Variants in COQ6 observed in about 807,000 individuals in gnomAD.
The protein encoded by COQ6 is coenzyme Q6, monooxygenase.
COQ6 carries 45 observed loss-of-function variants against 55.5 expected under a neutral mutation model. The observed-to-expected ratio is 0.81, with a 90% confidence interval of 0.64 to 1.04. COQ6 has a LOEUF of 1.04. Among genes scored for constraint, COQ6 ranks in the 50% least tolerant of loss-of-function variants. The pLI is 0.00. For synonymous variants in COQ6, 206 were observed against 230.5 expected, an observed-to-expected ratio of 0.89 and a Z score of 0.96; for missense variants, 550 against 601.3, an observed-to-expected ratio of 0.91 and a Z score of 0.89.
At chr14:73,957,234 A>G (rs2056481214) in intron 4 of COQ6, among the ~76,000 whole-genome samples, 1 of 151,876 alleles carries the variant, frequency 6.6e-6, no homozygotes, top group South Asian at 2.1e-4. Context: ...AGTAGCTGGG[A>G]CTATAGGCGC....
intron 8 of COQ6, chr14:73,959,733 C>T: frequency 8.7e-7 from 1 of 1,151,208 alleles, no homozygotes; most frequent in South Asian, 1.6e-5. Context: ...CCATGCCCAG[C>T]TAATTTTTCT....
rs73301429 is a variant in COQ6 at position 73,963,436 on chromosome 14, G to A, written c.*437G>A. ...GCTGTTTAAATGTTAACATCAGAAT[G>A]CAAATTAAATATAAATTGCTTTAAC... On this transcript the variant is annotated 3_prime_UTR_variant, in exon 12 of 12. Transcript: ENST00000334571. The A allele has an allele frequency of 2.8e-3, 631 of 227,698 alleles. 1 individual carries two copies. The highest frequency in any genetic ancestry group is 0.013 in the African/African-American group (570 of 43,580). 14.1% of individuals were successfully genotyped at this position (227,698 alleles called of 1,614,324 possible). A position where few individuals can be genotyped will look rare whatever the true frequency, so the allele number is the denominator to read the frequency against.
intron 1 of COQ6, among the ~76,000 whole-genome samples, chr14:73,952,588 G>T (rs748751984): frequency 6.6e-6 from 1 of 152,054 alleles, no homozygotes; most frequent in African/African-American, 2.4e-5. Flanking sequence ...GCCCAGGCTG[G>T]TCTTGAATTC....
chr14:73,955,354 A>G (rs1436850126), intron 2 of COQ6, 97 bp from the exon 3 acceptor site: 2 of 874,768 alleles, frequency 2.3e-6, no homozygotes, highest in Non-Finnish European at 4.0e-6. Context: ...TTATTGAAGA[A>G]CACTGAAAAC....
intron 11 of COQ6, among the ~76,000 whole-genome samples, chr14:73,962,287 AATT>A (rs1487704126): frequency 5.3e-5 from 8 of 152,122 alleles, no homozygotes; most frequent in South Asian, 4.2e-4. Context: ...TTGGCTGTAA[AATT>A]ATTATCTTTA....
chr14:73,957,816 C>T (rs571031640), intron 4 of COQ6, among the ~76,000 whole-genome samples: 46 of 152,266 alleles, frequency 3.0e-4, no homozygotes, highest in South Asian at 1.5e-3. Flanking sequence ...TTGTTTCAGC[C>T]TATGGTATTC....
At chr14:73,951,808 A>T (rs1172652703) in intron 1 of COQ6, among the ~76,000 whole-genome samples, 1 of 151,556 alleles carries the variant, frequency 6.6e-6, no homozygotes, top group African/African-American at 2.4e-5. Flanking sequence ...CTCACAAGAT[A>T]CACAAAATTT....
chr14:73,950,160 CAT>C, upstream of COQ6: 2 of 1,586,752 alleles, frequency 1.3e-6, no homozygotes, highest in South Asian at 2.2e-5. Flanking sequence ...GCCTCCGATC[CAT>C]CCCGCCCGAG....
At position 73,953,493 on chromosome 14, in the gene COQ6, A is replaced by G; in HGVS notation, c.222A>G (p.Lys74=). Residue 74 remains lysine, a synonymous_variant, in exon 2 of 12, where the codon AAA becomes AAG. Coordinates refer to ENST00000334571, the MANE Select transcript of COQ6 (RefSeq NM_182476.3). The part of the protein sequence containing the change: ...KILLLEAGPK[K]VLEKLSETYS... ...TGTTGCTCGAAGCAGGTCCAAAGAA[A>G]GTACTGGAGAAATTGTCAGAAACTT... 6.2e-7 allele frequency: 1 copy of G among 1,614,176 alleles called. No homozygotes were observed. Among genetic ancestry groups the G allele is most frequent in the Non-Finnish European group, 8.5e-7 (1 of 1,180,024 alleles).
At chr14:73,949,945 C>G, upstream of COQ6, 3 of 1,612,354 alleles carry the variant, frequency 1.9e-6, no homozygotes, top group Non-Finnish European at 2.5e-6. Context: ...GATTCCTTTC[C>G]CGGGGGCAGT....
chr14:73,957,881 T>C (rs2056517643), intron 4 of COQ6: 5 of 433,894 alleles, frequency 1.2e-5, no homozygotes, highest in Non-Finnish European at 1.7e-5. Context: ...AGAGTGAAAA[T>C]GGAGGCGCAG....
At chr14:73,958,110 CT>C (rs758359312) in intron 4 of COQ6, 36 bp from the exon 5 acceptor site, 1 of 1,573,414 alleles carries the variant, frequency 6.4e-7, no homozygotes, top group African/African-American at 1.4e-5. Flanking sequence ...TGTGGCCCAC[CT>C]TTCTAATTTT....
In COQ6 at chr14:73,955,501, C is replaced by G. The variant is rs376848848; in HGVS notation, c.349C>G (p.Arg117Gly). 13 of 1,613,688 alleles carry G rather than the reference C, an allele frequency of 8.1e-6. No homozygotes were observed. Among genetic ancestry groups the G allele is most frequent in the Non-Finnish European group, 1.1e-5 (13 of 1,179,732 alleles). ...CAACATGAGATACAGAGCCTTTCGG[C>G]GAATGCAGGTGCCCCTTTATCTTTT... Reference protein sequence around the residue: ...ICNMRYRAFRRMQVWDACSEA... With the variant: ...ICNMRYRAFRGMQVWDACSEA... Residue 117 changes from arginine to glycine, a missense_variant, in exon 3 of 12, where the codon CGA becomes GGA. Arg to Gly is a moderately radical substitution (Grantham distance 125). Coordinates refer to ENST00000334571, the MANE Select transcript of COQ6 (RefSeq NM_182476.3).
rs1014709564 is a variant in COQ6 at position 73,961,367 on chromosome 14, G to A, written c.1086G>A (p.Ala362=). Residue 362 remains alanine, a synonymous_variant, in exon 9 of 12, where the codon GCG becomes GCA. Coordinates refer to ENST00000334571, the MANE Select transcript of COQ6 (RefSeq NM_182476.3). ...HAAEYVRPRV[A]LIGDAAHRVH... ...CTGAGTACGTCAGGCCTCGGGTGGC[G>A]CTCATTGGGTAAGACGATAACAGAG... 4 of 1,614,172 alleles carry A rather than the reference G, an allele frequency of 2.5e-6. No homozygotes were observed. Among genetic ancestry groups the A allele is most frequent in the Non-Finnish European group, 3.4e-6 (4 of 1,180,040 alleles).
At chr14:73,956,147 A>G in intron 4 of COQ6, 1 of 479,486 alleles carries the variant, frequency 2.1e-6, no homozygotes, top group Non-Finnish European at 3.8e-6. Context: ...ACATGGTGAA[A>G]CCCTGTCTCT....
intron 1 of COQ6, among the ~76,000 whole-genome samples, chr14:73,952,937 A>G (rs1156941541): frequency 6.6e-6 from 1 of 152,168 alleles, no homozygotes; most frequent in Non-Finnish European, 1.5e-5. Context: ...TCGGCCTTCA[A>G]AGTGCTGGGA....
In COQ6 at chr14:73,954,948, T is replaced by TA. The variant is rs1215359528; in HGVS notation, c.299-502dup. On this transcript the variant is annotated intron_variant, in intron 2 of 11. Coordinates refer to ENST00000334571, the MANE Select transcript of COQ6 (RefSeq NM_182476.3). ...ATGGAAGCTGAGTCTTTTTTTTTTTTATTTTATTTTTTTTTTTTTTTGAGA... is the reference window on the plus strand; with the variant it reads ...ATGGAAGCTGAGTCTTTTTTTTTTTTAATTTTATTTTTTTTTTTTTTTGAGA... Among the ~76,000 whole-genome samples the TA allele has an allele frequency of 3.4e-3, 463 of 134,690 alleles. 6 individuals are homozygous for TA. Among genetic ancestry groups the TA allele is most frequent in the African/African-American group, 0.013 (442 of 34,562 alleles). 88.4% of individuals were successfully genotyped at this position (134,690 alleles called of 152,430 possible). A position where few individuals can be genotyped will look rare whatever the true frequency, so the allele number is the denominator to read the frequency against.
chr14:73,957,821 G>A (rs1022828145), intron 4 of COQ6, among the ~76,000 whole-genome samples: 2 of 152,150 alleles, frequency 1.3e-5, no homozygotes, highest in African/African-American at 4.8e-5. Context: ...TCAGCCTATG[G>A]TATTCCCAGC....
At chr14:73,951,636 T>C (rs2056196719) in intron 1 of COQ6, among the ~76,000 whole-genome samples, 2 of 137,424 alleles carry the variant, frequency 1.5e-5, no homozygotes, top group Admixed American at 1.6e-4. Flanking sequence ...CATTATGAGA[T>C]TTTTTTTTTG....
Sources: allele counts gnomAD v4.1 joint callset (sites outside exome capture counted in the v4.1 genomes callset), GRCh38; gene constraint gnomAD v4.1.1; transcripts MANE v1.5; gene names NCBI Gene and HGNC (gene_info 2026-07-23, HGNC 2026-07-21).